MCRIP1: variants seen among roughly 807,000 people sequenced by gnomAD.
The protein encoded by MCRIP1 is MAPK regulated corepressor interacting protein 1, also known as mapk-regulated corepressor-interacting protein 1.
Under a neutral mutation model 14.4 loss-of-function variants are expected in MCRIP1, and 10 were observed. The ratio of observed to expected loss-of-function variants is 0.70; its 90% CI spans 0.43 to 1.18. The LOEUF (loss-of-function observed/expected upper bound fraction) is 1.18. Ranked by LOEUF, MCRIP1 falls within the 50% of genes most tolerant of loss-of-function variation. The pLI is 0.00. For synonymous variants in MCRIP1, 53 were observed against 55.7 expected (o/e 0.95, Z 0.21); for missense variants, 119 against 135.4 (o/e 0.88, Z 0.60).
chr17:81,825,023 G>C, intron 1 of MCRIP1: 2 of 1,024,422 alleles, frequency 2.0e-6, no homozygotes, highest in Non-Finnish European at 2.3e-6. Flanking sequence ...GGCTTCTGCT[G>C]AGCCTTGATT....
At chr17:81,826,974 T>C (rs2038416623) in intron 1 of MCRIP1, among the ~76,000 whole-genome samples, 1 of 150,952 alleles carries the variant, frequency 6.6e-6, no homozygotes, top group South Asian at 2.1e-4. Flanking sequence ...AAAAATTAGC[T>C]GGATGTGGTG....
At chr17:81,826,341 CTGCCCACACACA>C (rs1353750867) in intron 1 of MCRIP1, 3 of 1,535,634 alleles carry the variant, frequency 2.0e-6, no homozygotes, top group East Asian at 2.4e-5. Flanking sequence ...CTGTACACAC[CTGCCCACACACA>C]TGCGGCACAC....
At chr17:81,825,296 T>C (rs1333613124) in intron 1 of MCRIP1, 17 of 1,110,384 alleles carry the variant, frequency 1.5e-5, no homozygotes, top group Non-Finnish European at 1.9e-5. Flanking sequence ...ATGGAGTCTA[T>C]TTTGAGGCTC....
chr17:81,829,404 C>G (rs866735970), intron 1 of MCRIP1, among the ~76,000 whole-genome samples: 1 of 152,232 alleles, frequency 6.6e-6, no homozygotes, highest in Non-Finnish European at 1.5e-5. Context: ...GGCGATGCCT[C>G]GGTCCCGTTT....
At chr17:81,830,040 A>T (rs2038485208) in intron 1 of MCRIP1, among the ~76,000 whole-genome samples, 1 of 152,164 alleles carries the variant, frequency 6.6e-6, no homozygotes, top group South Asian at 2.1e-4. Context: ...AGCACAGGCC[A>T]CCTGCAAGTC....
chr17:81,826,027 T>A, intron 1 of MCRIP1: 1 of 1,402,132 alleles, frequency 7.1e-7, no homozygotes, highest in South Asian at 1.2e-5. Flanking sequence ...TAGGGGTACC[T>A]GCCTCCCAGC....
chr17:81,826,576 T>G, intron 1 of MCRIP1: 1 of 568,766 alleles, frequency 1.8e-6, no homozygotes, highest in Admixed American at 3.3e-5. Flanking sequence ...TCCCAACACT[T>G]TGGGAGGCAG....
intron 1 of MCRIP1, among the ~76,000 whole-genome samples, chr17:81,831,394 T>C (rs1255085963): frequency 1.5e-5 from 2 of 132,736 alleles, no homozygotes; most frequent in Non-Finnish European, 3.1e-5. Flanking sequence ...ATCTCTGCTC[T>C]CTGCCCTCAA....
chr17:81,824,825 TCCA>T, intron 1 of MCRIP1: 1 of 1,340,640 alleles, frequency 7.5e-7, no homozygotes, highest in Non-Finnish European at 9.5e-7. Context: ...GCCTTGATCC[TCCA>T]CGTCTCAGGC....
At chr17:81,825,893 A>C (rs777123779) in intron 1 of MCRIP1, 27 of 1,291,542 alleles carry the variant, frequency 2.1e-5, no homozygotes, top group Non-Finnish European at 2.7e-5. Context: ...TGAGGGTCCC[A>C]CAGGGACATG....
At chr17:81,825,556 G>A in intron 1 of MCRIP1, 2 of 1,286,908 alleles carry the variant, frequency 1.6e-6, no homozygotes, top group Non-Finnish European at 2.0e-6. Context: ...CAGAGGGCCA[G>A]GAGCACTGAG....
intron 1 of MCRIP1, among the ~76,000 whole-genome samples, chr17:81,831,496 C>T (rs2038519170): frequency 6.6e-6 from 1 of 151,902 alleles, no homozygotes; most frequent in Admixed American, 6.6e-5. Context: ...AGAGTCAGCC[C>T]ACTCTTAGGA....
Position 81,824,516 on chromosome 17 carries a change from G to T in MCRIP1, c.-10C>A, listed in dbSNP as rs567977643. On this transcript the variant is annotated 5_prime_UTR_variant, in exon 2 of 5. Transcript: ENST00000455127. ...AGACCCACCTGGTCATCGCGGGGGCGTCTGATCCTAGCGCTCCACCGCCAG... is the reference window on the plus strand; with the variant it reads ...AGACCCACCTGGTCATCGCGGGGGCTTCTGATCCTAGCGCTCCACCGCCAG... 1 of 1,536,058 alleles carries T rather than the reference G, an allele frequency of 6.5e-7. No individual in the cohort carries two copies. The highest frequency in any genetic ancestry group is 2.0e-5 in the Admixed American group (1 of 50,982).
chr17:81,829,918 G>A (rs1414748655), intron 1 of MCRIP1, among the ~76,000 whole-genome samples: 1 of 152,202 alleles, frequency 6.6e-6, no homozygotes, highest in Non-Finnish European at 1.5e-5. Flanking sequence ...CAGGCCCTCT[G>A]CTGCCATCAA....
At chr17:81,825,846 C>T (rs1054459574) in intron 1 of MCRIP1, 13 of 1,289,596 alleles carry the variant, frequency 1.0e-5, no homozygotes, top group South Asian at 1.2e-5. Context: ...CTCCAGCCCA[C>T]GAACACCAGA....
intron 1 of MCRIP1, chr17:81,825,287 T>A: frequency 9.2e-7 from 1 of 1,090,434 alleles, no homozygotes; most frequent in Non-Finnish European, 1.1e-6. Flanking sequence ...TCTGGAAAAA[T>A]GGAGTCTATT....
rs2038354679 is a variant in MCRIP1 at position 81,824,802 on chromosome 17, A to G, written c.-48-248T>C. 4 of 1,384,860 alleles carry G rather than the reference A, an allele frequency of 2.9e-6. No individual in the cohort carries two copies. In the South Asian group the frequency reaches 6.8e-5, roughly 24 times the overall value. 85.8% of individuals were successfully genotyped at this position (1,384,860 alleles called of 1,614,324 possible). On this transcript the variant is annotated intron_variant, in intron 1 of 4. Coordinates refer to ENST00000455127, the MANE Select transcript of MCRIP1 (RefSeq NM_207368.5). ...ACACACACACAACTTGAAGCGATCA[A>G]GCCCGCTCAGCGGCCTTGATCCTCC...
intron 1 of MCRIP1, 76 bp from the exon 2 acceptor site, chr17:81,824,630 A>C (rs969491006): frequency 6.5e-7 from 1 of 1,531,140 alleles, no homozygotes; most frequent in Non-Finnish European, 8.7e-7. Flanking sequence ...GGCGCAGGGC[A>C]CACCTGCCTC....
chr17:81,826,636 A>G (rs2038403906), intron 1 of MCRIP1: 1 of 495,488 alleles, frequency 2.0e-6, no homozygotes, highest in Non-Finnish European at 3.6e-6. Context: ...CCTGGCGAAC[A>G]TGGTGAAACC....
Sources: allele counts gnomAD v4.1 joint callset (sites outside exome capture counted in the v4.1 genomes callset), GRCh38; gene constraint gnomAD v4.1.1; transcripts MANE v1.5; gene names NCBI Gene and HGNC (gene_info 2026-07-23, HGNC 2026-07-21).